TTLL5: variants seen among roughly 807,000 people sequenced by gnomAD.
TTLL5 encodes tubulin polyglutamylase TTLL5.
TTLL5 carries 132 observed loss-of-function variants against 168.4 expected under a neutral mutation model. The observed-to-expected ratio is 0.78, with a 90% CI of 0.68 to 0.91. TTLL5 has a LOEUF of 0.91. Among genes scored for constraint, TTLL5 ranks in the 40% least tolerant of loss-of-function variants. TTLL5 has a pLI of 0.00. For synonymous variants in TTLL5, 546 were observed against 558.6 expected (o/e 0.98, Z 0.32); for missense variants, 1,545 against 1,581.5 (o/e 0.98, Z 0.39).
chr14:75,667,216 T>A lies in TTLL5; in HGVS notation c.75-2200T>A, dbSNP rs553412975. ...TTCTCAGCTGTGTATCTGTTGATTGTGCTCCCCTTGTCAGGCATTTTAAAA... is the reference window on the plus strand; with the variant it reads ...TTCTCAGCTGTGTATCTGTTGATTGAGCTCCCCTTGTCAGGCATTTTAAAA... On this transcript the variant is annotated intron_variant, in intron 2 of 31. Coordinates refer to ENST00000298832, the MANE Select transcript of TTLL5 (RefSeq NM_015072.5). Among the ~76,000 whole-genome samples the A allele has an allele frequency of 1.3e-3, 204 of 152,356 alleles. 1 individual carries two copies. The highest frequency in any genetic ancestry group is 4.8e-3 in the African/African-American group (198 of 41,594).
At chr14:75,886,261 AC>A (rs993381890) in intron 30 of TTLL5, among the ~76,000 whole-genome samples, 1 of 152,214 alleles carries the variant, frequency 6.6e-6, no homozygotes, top group Non-Finnish European at 1.5e-5. Flanking sequence ...GAAGAATAGA[AC>A]GTTAAAGATG....
At chr14:75,746,037 C>T (rs957066966) in intron 17 of TTLL5, among the ~76,000 whole-genome samples, 3 of 152,138 alleles carry the variant, frequency 2.0e-5, no homozygotes, top group African/African-American at 4.8e-5. Flanking sequence ...AAAATATTTC[C>T]ATCACCCTCG....
At chr14:75,798,694 C>T (rs892187355) in intron 27 of TTLL5, among the ~76,000 whole-genome samples, 2 of 152,006 alleles carry the variant, frequency 1.3e-5, no homozygotes, top group Admixed American at 1.3e-4. Context: ...GGAATTTTTA[C>T]ATTTCCATAT....
chr14:75,673,233 G>A (rs530811180), intron 3 of TTLL5, among the ~76,000 whole-genome samples: 8 of 152,332 alleles, frequency 5.3e-5, no homozygotes, highest in African/African-American at 1.7e-4. Context: ...ATAGGAATGA[G>A]AATTTGCACC....
At chr14:75,911,404 A>G (rs2033381815) in intron 31 of TTLL5, among the ~76,000 whole-genome samples, 1 of 152,176 alleles carries the variant, frequency 6.6e-6, no homozygotes, top group Non-Finnish European at 1.5e-5. Flanking sequence ...ATAATAAAAC[A>G]TAGCCTCTAT....
At chr14:75,830,294 C>T (rs1239637919) in intron 28 of TTLL5, among the ~76,000 whole-genome samples, 2 of 152,170 alleles carry the variant, frequency 1.3e-5, no homozygotes, top group Non-Finnish European at 2.9e-5. Flanking sequence ...GGGTCCAGTC[C>T]ACCTTACCAC....
chr14:75,906,957 G>C (rs1401883579), intron 31 of TTLL5, among the ~76,000 whole-genome samples: 1 of 152,138 alleles, frequency 6.6e-6, no homozygotes, highest in Non-Finnish European at 1.5e-5. Context: ...AGGATTTTAA[G>C]ACAATTCAAA....
At chr14:75,793,711 T>C (rs1265610582) in intron 27 of TTLL5, among the ~76,000 whole-genome samples, 1 of 152,206 alleles carries the variant, frequency 6.6e-6, no homozygotes, top group Non-Finnish European at 1.5e-5. Flanking sequence ...ATATTAACAA[T>C]CTTGCAACAC....
intron 22 of TTLL5, among the ~76,000 whole-genome samples, chr14:75,775,921 C>T (rs117265014): frequency 0.012 from 1,887 of 152,232 alleles, 15 homozygotes; most frequent in South Asian, 0.026. Context: ...TGAGTCTGCA[C>T]GGTTGTTAGT....
chr14:75,662,634 C>T (rs374404132), intron 1 of TTLL5, among the ~76,000 whole-genome samples: 9 of 152,032 alleles, frequency 5.9e-5, no homozygotes, highest in African/African-American at 2.2e-4. Context: ...CCACCCTGCC[C>T]GGCCTGCAAG....
chr14:75,889,152 C>T lies in TTLL5; in HGVS notation c.3740+6250C>T, dbSNP rs11159154. On this transcript the variant is annotated intron_variant, in intron 30 of 31. Coordinates refer to ENST00000298832, the MANE Select transcript of TTLL5 (RefSeq NM_015072.5). ...GAGGATTGCACAGAGATGAGAACTA[C>T]GTAAGTGAAAAATTGGGCTGAACAC... Among the ~76,000 whole-genome samples, 946 of 152,220 alleles carry T rather than the reference C, an allele frequency of 6.2e-3. 10 individuals carry two copies. The highest frequency in any genetic ancestry group is 0.022 in the African/African-American group (903 of 41,538).
intron 2 of TTLL5, among the ~76,000 whole-genome samples, chr14:75,667,751 G>GTTTTTTTTTTTTTTTTTTT (rs67181555): frequency 2.2e-5 from 2 of 89,084 alleles, no homozygotes; most frequent in Non-Finnish European, 2.0e-5. Context: ...ATCTTTTTAT[G>GTTTTTTTTTTTTTTTTTTT]TTTTTTTTTT....
At chr14:75,814,514 G>A (rs1313097229) in intron 27 of TTLL5, 8 of 152,146 alleles carry the variant, frequency 5.3e-5, no homozygotes, top group Admixed American at 2.6e-4. Context: ...GGCTTGTAGG[G>A]TTTATTAAGG....
chr14:75,933,942 C>T (rs1365333045), intron 31 of TTLL5, among the ~76,000 whole-genome samples: 2 of 152,192 alleles, frequency 1.3e-5, no homozygotes, highest in African/African-American at 4.8e-5. Flanking sequence ...AAGGAAGGAA[C>T]CAAACCAGCC....
intron 17 of TTLL5, among the ~76,000 whole-genome samples, chr14:75,751,132 C>T (rs8017398): frequency 0.75 from 113,849 of 152,134 alleles, 42,975 homozygotes; most frequent in Admixed American, 0.8. Context: ...CACTTGCTCA[C>T]GTCTTCCACC....
At chr14:75,919,197 CAAAAAAAAAAAA>C (rs10655974) in intron 31 of TTLL5, among the ~76,000 whole-genome samples, 2 of 56,104 alleles carry the variant, frequency 3.6e-5, no homozygotes, top group African/African-American at 6.9e-5. Flanking sequence ...AAGACCGTCT[CAAAAAAAAAAAA>C]AAAAAAAAAA....
chr14:75,863,911 TAAAAAA>T lies in TTLL5; in HGVS notation c.3522+67_3522+72del, dbSNP rs76733656. On this transcript the variant is annotated intron_variant, in intron 29 of 31. Coordinates refer to ENST00000298832, the MANE Select transcript of TTLL5 (RefSeq NM_015072.5). Reference sequence around the variant, plus strand: ...ATGTGTTATATCTTCCTGCTGTTGGTAAAAAAAAAAAAAAAAAAAAAAAGGTCAGTG... The same window carrying T: ...ATGTGTTATATCTTCCTGCTGTTGGTAAAAAAAAAAAAAAAAAGGTCAGTG... 684 of 99,764 alleles carry T rather than the reference TAAAAAA, an allele frequency of 6.9e-3. 2 individuals carry two copies. Among genetic ancestry groups the T allele is most frequent in the Middle Eastern group, 0.02 (4 of 200 alleles). 6.2% of individuals were successfully genotyped at this position (99,764 alleles called of 1,614,324 possible).
chr14:75,882,826 T>C lies in TTLL5; in HGVS notation c.3664T>C (p.Cys1222Arg), dbSNP rs1428054668. Residue 1222 changes from cysteine (C) to arginine (R), a missense_variant, in exon 30 of 32, where the codon TGC becomes CGC. Cys to Arg is a radical substitution (Grantham distance 180). Coordinates refer to ENST00000298832, the MANE Select transcript of TTLL5 (RefSeq NM_015072.5). ...PQKVVPPPSS[C>R]ASLVPKPPPN... Reference sequence around the variant, plus strand: ...AAAAGTGGTACCACCTCCAAGTTCTTGCGCCTCCCTGGTTCCCAAACCCCC... The same window carrying C: ...AAAAGTGGTACCACCTCCAAGTTCTCGCGCCTCCCTGGTTCCCAAACCCCC... The C allele has an allele frequency of 1.2e-6, 2 of 1,614,018 alleles. No homozygotes were observed. The highest frequency in any genetic ancestry group is 1.7e-6 in the Non-Finnish European group (2 of 1,180,028).
At chr14:75,954,216 GCA>G (rs894594238) in intron 31 of TTLL5, among the ~76,000 whole-genome samples, 2 of 132,530 alleles carry the variant, frequency 1.5e-5, no homozygotes, top group Non-Finnish European at 3.1e-5. Context: ...TCGCGCCACT[GCA>G]CTCCAGCCTG....
Sources: allele counts gnomAD v4.1 joint callset (sites outside exome capture counted in the v4.1 genomes callset), GRCh38; gene constraint gnomAD v4.1.1; transcripts MANE v1.5; gene names NCBI Gene and HGNC (gene_info 2026-07-23, HGNC 2026-07-21).